Variants in RASGRP1 observed in about 807,000 individuals in gnomAD.
RASGRP1 encodes RAS guanyl-releasing protein 1.
RASGRP1 carries 37 observed loss-of-function variants against 95.1 expected under a neutral mutation model. That is an observed-to-expected ratio of 0.39 (90% confidence interval 0.30 to 0.51). The LOEUF is 0.51. Ranked by LOEUF, RASGRP1 falls within the 20% of genes least tolerant of loss-of-function variation. RASGRP1 has a pLI of 0.80. For synonymous variants in RASGRP1, 325 were observed against 353.4 expected, an observed-to-expected ratio of 0.92 and a Z score of 0.90; for missense variants, 711 against 965.4, an observed-to-expected ratio of 0.74 and a Z score of 3.49.
At chr15:38,506,168 C>CTA (rs1317820372) in intron 9 of RASGRP1, among the ~76,000 whole-genome samples, 1 of 152,164 alleles carries the variant, frequency 6.6e-6, no homozygotes, top group East Asian at 1.9e-4. Flanking sequence ...ATCTAAGCCT[C>CTA]TATATAGAGC....
chr15:38,495,513 T>C (rs943643354), intron 15 of RASGRP1, among the ~76,000 whole-genome samples: 1 of 152,186 alleles, frequency 6.6e-6, no homozygotes. Flanking sequence ...GATTAAAACA[T>C]TGGATAGTCT....
At chr15:38,551,080 T>C (rs1319251069) in intron 2 of RASGRP1, among the ~76,000 whole-genome samples, 1 of 152,170 alleles carries the variant, frequency 6.6e-6, no homozygotes, top group African/African-American at 2.4e-5. Context: ...AAAATAATAT[T>C]TTAAAAGTCT....
chr15:38,525,539 T>C (rs956001022), intron 3 of RASGRP1, among the ~76,000 whole-genome samples: 6 of 152,164 alleles, frequency 3.9e-5, no homozygotes, highest in African/African-American at 7.2e-5. Context: ...TGAGTAGGTA[T>C]AGAGAAGGGA....
intron 2 of RASGRP1, among the ~76,000 whole-genome samples, chr15:38,558,185 C>T (rs1270292241): frequency 6.6e-6 from 1 of 152,066 alleles, no homozygotes; most frequent in Non-Finnish European, 1.5e-5. Context: ...AGGAACTTTG[C>T]AGTTTATTCA....
intron 2 of RASGRP1, among the ~76,000 whole-genome samples, chr15:38,542,929 A>ATG (rs1174213832): frequency 4.8e-5 from 7 of 146,958 alleles, no homozygotes; most frequent in Non-Finnish European, 7.5e-5. Context: ...GTGTATATAT[A>ATG]TGTGTGTGTA....
At chr15:38,494,805 A>T (rs1890734319) in intron 15 of RASGRP1, 38 bp from the exon 16 acceptor site, 1 of 1,364,148 alleles carries the variant, frequency 7.3e-7, no homozygotes, top group African/African-American at 1.5e-5. Context: ...ACTCTAGCTC[A>T]GGAAAGCAGA....
intron 8 of RASGRP1, among the ~76,000 whole-genome samples, chr15:38,510,527 T>C (rs751863855): frequency 2.6e-5 from 4 of 152,140 alleles, no homozygotes; most frequent in Non-Finnish European, 5.9e-5. Flanking sequence ...AAAAAGAGAG[T>C]TCCTCTCCAT....
intron 2 of RASGRP1, among the ~76,000 whole-genome samples, chr15:38,551,591 G>A (rs527883629): frequency 6.6e-6 from 1 of 152,200 alleles, no homozygotes; most frequent in East Asian, 1.9e-4. Flanking sequence ...CTTTGGAATA[G>A]GGATTTTTTT....
In RASGRP1 at chr15:38,559,814, A is replaced by G; in HGVS notation, c.220+7T>C. The G allele has an allele frequency of 6.2e-7, 1 of 1,612,424 alleles. No individual in the cohort carries two copies. The highest frequency in any genetic ancestry group is 8.5e-7 in the Non-Finnish European group (1 of 1,178,552). On this transcript the variant is annotated splice_region_variant and intron_variant, in intron 2 of 16. Coordinates refer to ENST00000310803, the MANE Select transcript of RASGRP1 (RefSeq NM_005739.4). ...TTTTTATGCCTGTGGGCAGTTAGCC[A>G]ACTTACCAAAAGATTGAATGCAGCT...
rs557343868 is a variant in RASGRP1 at position 38,498,406 on chromosome 15, A to G, written c.1873+388T>C. Among the ~76,000 whole-genome samples the G allele has an allele frequency of 2.6e-5, 4 of 152,328 alleles. No individual in the cohort carries two copies. The South Asian group carries it at 8.3e-4, about 32-fold the overall frequency. On this transcript the variant is annotated intron_variant, in intron 15 of 16. Transcript: ENST00000310803. Reference sequence around the variant, plus strand: ...TTATATATTATATATGTTAATTTACATTATATATACACACACATATACATA... The same window carrying G: ...TTATATATTATATATGTTAATTTACGTTATATATACACACACATATACATA...
At chr15:38,528,306 C>T (rs1017237014) in intron 2 of RASGRP1, among the ~76,000 whole-genome samples, 1 of 152,166 alleles carries the variant, frequency 6.6e-6, no homozygotes, top group Non-Finnish European at 1.5e-5. Flanking sequence ...TCTCTATTCC[C>T]ATTTTTAGCA....
chr15:38,517,198 C>T (rs1272888729), intron 5 of RASGRP1, among the ~76,000 whole-genome samples: 1 of 152,174 alleles, frequency 6.6e-6, no homozygotes, highest in African/African-American at 2.4e-5. Flanking sequence ...GAAAGTTTAA[C>T]TCATTATTCC....
chr15:38,495,294 C>A (rs1205832197), intron 15 of RASGRP1, among the ~76,000 whole-genome samples: 1 of 152,056 alleles, frequency 6.6e-6, no homozygotes, highest in Non-Finnish European at 1.5e-5. Flanking sequence ...ATGTATTGCC[C>A]CTGTTTGATA....
chr15:38,515,783 C>A (rs1891737915), intron 6 of RASGRP1, among the ~76,000 whole-genome samples: 1 of 150,754 alleles, frequency 6.6e-6, no homozygotes, highest in African/African-American at 2.4e-5. Context: ...CCCGCACCCC[C>A]CCCCCTTTTT....
chr15:38,527,412 C>T (rs561235618), intron 2 of RASGRP1, among the ~76,000 whole-genome samples: 4 of 152,196 alleles, frequency 2.6e-5, no homozygotes, highest in Non-Finnish European at 1.5e-5. Context: ...CCCTTCATGG[C>T]ACCAGCTCTC....
chr15:38,489,975 A>C lies in RASGRP1; in HGVS notation c.*579T>G, dbSNP rs1000439563. ...TAAAAAGTTGTGGCTACATCAGTAG[A>C]AATTGGCTTCTAGGTAGATATGCTC... On this transcript the variant is annotated 3_prime_UTR_variant, in exon 17 of 17. Transcript: ENST00000310803. 2 of 152,506 alleles carry C rather than the reference A, an allele frequency of 1.3e-5. No individual in the cohort carries two copies. Among genetic ancestry groups the C allele is most frequent in the Admixed American group, 1.3e-4 (2 of 15,266 alleles). 9.4% of individuals were successfully genotyped at this position (152,506 alleles called of 1,614,324 possible).
chr15:38,511,595 A>G lies in RASGRP1; in HGVS notation c.966+9T>C, dbSNP rs1891514581. Reference sequence around the variant, plus strand: ...TGCTAAGGGCCCCAGAGAAGACAGTAGCACTGACCTTATTGATTTCATGTG... The same window carrying G: ...TGCTAAGGGCCCCAGAGAAGACAGTGGCACTGACCTTATTGATTTCATGTG... On this transcript the variant is annotated intron_variant, in intron 8 of 16. Transcript: ENST00000310803. The G allele has an allele frequency of 6.2e-7, 1 of 1,601,808 alleles. No homozygotes were observed. Among genetic ancestry groups the G allele is most frequent in the Non-Finnish European group, 8.6e-7 (1 of 1,169,030 alleles).
intron 2 of RASGRP1, among the ~76,000 whole-genome samples, chr15:38,549,656 T>TCCTCCCCTCTG (rs1280966585): frequency 6.6e-6 from 1 of 152,150 alleles, no homozygotes; most frequent in African/African-American, 2.4e-5. Flanking sequence ...CCTGCTTCCC[T>TCCTCCCCTCTG]CTTCCCCTCT....
intron 14 of RASGRP1, among the ~76,000 whole-genome samples, chr15:38,499,817 ATGT>A (rs1028708674): frequency 6.6e-6 from 1 of 152,148 alleles, no homozygotes; most frequent in African/African-American, 2.4e-5. Context: ...GGTTACCCTC[ATGT>A]TGTTCTCATG....
Sources: gnomAD v4.1 joint callset for allele counts (sites outside exome capture counted in the v4.1 genomes callset) on GRCh38, gnomAD v4.1.1 for gene constraint, MANE v1.5 for transcripts, NCBI Gene and HGNC (gene_info 2026-07-23, HGNC 2026-07-21) for gene names.